The following NFIB variants were observed in gnomAD, a reference collection of about 807,000 sequenced individuals.
The protein encoded by NFIB is nuclear factor 1 B-type.
Under a neutral mutation model 61.5 loss-of-function variants are expected in NFIB, and 11 were observed. The observed-to-expected ratio is 0.18, with a 90% CI of 0.11 to 0.30. The LOEUF is 0.30. Ranked by LOEUF, NFIB falls within the 10% of genes least tolerant of loss-of-function variation. The pLI, the probability that NFIB is intolerant of heterozygous loss-of-function variation, is 1.00. For missense variants in NFIB, 471 were observed against 608.9 expected, an observed-to-expected ratio of 0.77 and a Z score of 2.38; for synonymous variants, 260 against 216.5, an observed-to-expected ratio of 1.20 and a Z score of -1.76.
intron 2 of NFIB, among the ~76,000 whole-genome samples, chr9:14,273,942 GA>G (rs1451038093): frequency 6.6e-6 from 1 of 152,106 alleles, no homozygotes; most frequent in Non-Finnish European, 1.5e-5. Flanking sequence ...TAGCCACAGG[GA>G]AACAGTCTTT....
the NFIB span, among the ~76,000 whole-genome samples, chr9:14,525,309 T>C: frequency 6.6e-6 from 1 of 152,160 alleles, no homozygotes; most frequent in Non-Finnish European, 1.5e-5. Context: ...ATGGGTGAAA[T>C]AGTCAATGGT....
the NFIB span, among the ~76,000 whole-genome samples, chr9:14,427,937 G>GTTTTTTTTTTTTTGTTTTTTTTTTTTT: frequency 2.3e-5 from 1 of 43,384 alleles, no homozygotes; most frequent in Non-Finnish European, 4.4e-5. Context: ...TAATTCAGTT[G>GTTTTTTTTTTTTTGTTTTTTTTTTTTT]TTTTTTTTTT....
rs181761753 is a variant in NFIB, at chr9:14,126,351, G to T, written c.926-585C>A. On this transcript the variant is annotated intron_variant, in intron 6 of 10. Coordinates refer to ENST00000380953, the MANE Select transcript of NFIB (RefSeq NM_001190737.2). ...AATTCCTGCTCTAGGGATGCTCACT[G>T]TTGGTGAGGAGGAAAATGATTAGAA... Among the ~76,000 whole-genome samples the T allele has an allele frequency of 2.1e-3, 313 of 152,362 alleles. 10 individuals carry two copies. Among genetic ancestry groups the T allele is most frequent in the Admixed American group, 0.018 (281 of 15,304 alleles).
At chr9:14,306,596 C>G (rs1327655829) in intron 2 of NFIB, among the ~76,000 whole-genome samples, 1 of 151,780 alleles carries the variant, frequency 6.6e-6, no homozygotes, top group African/African-American at 2.4e-5. Context: ...TTTGGCTATT[C>G]ATAAATAAAG....
At chr9:14,258,080 ATAGT>A (rs2056399553) in intron 2 of NFIB, among the ~76,000 whole-genome samples, 2 of 152,364 alleles carry the variant, frequency 1.3e-5, no homozygotes, top group Admixed American at 6.5e-5. Context: ...TTTTATGAAC[ATAGT>A]TAGCATAAAA....
At chr9:14,124,232 TA>T (rs1554640525) in intron 7 of NFIB, among the ~76,000 whole-genome samples, 1 of 152,202 alleles carries the variant, frequency 6.6e-6, no homozygotes, top group Non-Finnish European at 1.5e-5. Flanking sequence ...GAAATAAGAA[TA>T]TTTTCATCAG....
chr9:14,398,016 A>G (rs1250804347), intron 1 of NFIB, among the ~76,000 whole-genome samples: 1 of 152,112 alleles, frequency 6.6e-6, no homozygotes, highest in Non-Finnish European at 1.5e-5. Context: ...GCTCCATGTA[A>G]TGTGCTCACA....
At chr9:14,509,743 TAG>T in the NFIB span, among the ~76,000 whole-genome samples, 1 of 152,148 alleles carries the variant, frequency 6.6e-6, no homozygotes, top group Admixed American at 6.5e-5. Context: ...AAAGATAGAA[TAG>T]GGTCAGAAGA....
At chr9:14,486,716 T>C in the NFIB span, among the ~76,000 whole-genome samples, 3 of 126,602 alleles carry the variant, frequency 2.4e-5, no homozygotes, top group Non-Finnish European at 5.3e-5. Context: ...CACACACACA[T>C]ACACACACAG....
chr9:14,260,021 T>C (rs1427890350), intron 2 of NFIB, among the ~76,000 whole-genome samples: 2 of 152,172 alleles, frequency 1.3e-5, no homozygotes, highest in African/African-American at 2.4e-5. Flanking sequence ...GGATTCGTGG[T>C]GGTACAAGTT....
intron 2 of NFIB, among the ~76,000 whole-genome samples, chr9:14,288,746 G>T (rs1177748100): frequency 6.6e-6 from 1 of 151,964 alleles, no homozygotes; most frequent in East Asian, 1.9e-4. Flanking sequence ...CATAAACACT[G>T]CAAGTGACCA....
chr9:14,245,547 C>T (rs138189494), intron 2 of NFIB, among the ~76,000 whole-genome samples: 2 of 152,138 alleles, frequency 1.3e-5, no homozygotes, highest in Non-Finnish European at 2.9e-5. Context: ...TACGTAAACA[C>T]ATGATTATAC....
chr9:14,431,628 GTTTTGTT>G, the NFIB span, among the ~76,000 whole-genome samples: 4,840 of 141,214 alleles, frequency 0.034, 128 homozygotes, highest in South Asian at 0.055. Context: ...ACCATTTTTT[GTTTTGTT>G]TTTTTTTTTT....
At chr9:14,213,247 T>C (rs2131741749) in intron 2 of NFIB, among the ~76,000 whole-genome samples, 1 of 152,330 alleles carries the variant, frequency 6.6e-6, no homozygotes, top group South Asian at 2.1e-4. Flanking sequence ...CACCAGTAGG[T>C]TGATCTTTGG....
the NFIB span, among the ~76,000 whole-genome samples, chr9:14,410,593 T>C: frequency 0.19 from 29,633 of 152,088 alleles, 3,337 homozygotes; most frequent in Non-Finnish European, 0.26. Flanking sequence ...TAGATTGTGG[T>C]GGAAGAAAGT....
intron 4 of NFIB, among the ~76,000 whole-genome samples, chr9:14,151,604 G>A (rs927771475): frequency 3.3e-5 from 5 of 152,088 alleles, no homozygotes; most frequent in South Asian, 4.1e-4. Context: ...AGAAGTCTGC[G>A]AAAAGCCATA....
chr9:14,168,977 T>C (rs2045251864), intron 3 of NFIB, among the ~76,000 whole-genome samples: 1 of 152,182 alleles, frequency 6.6e-6, no homozygotes. Flanking sequence ...ATGGTAAGCA[T>C]AAAATAGCAG....
chr9:14,098,289 CAT>C (rs1195332156), intron 10 of NFIB, among the ~76,000 whole-genome samples: 1 of 152,190 alleles, frequency 6.6e-6, no homozygotes, highest in Non-Finnish European at 1.5e-5. Flanking sequence ...CCATCAGACA[CAT>C]ACAACCACTC....
intron 3 of NFIB, among the ~76,000 whole-genome samples, chr9:14,163,299 A>T (rs926446561): frequency 7.2e-5 from 11 of 152,172 alleles, no homozygotes; most frequent in African/African-American, 2.6e-4. Context: ...GATAAAATAA[A>T]ATACATAAAT....
Sources: allele counts gnomAD v4.1 joint callset (sites outside exome capture counted in the v4.1 genomes callset), GRCh38; gene constraint gnomAD v4.1.1; transcripts MANE v1.5; gene names NCBI Gene and HGNC (gene_info 2026-07-23, HGNC 2026-07-21).